RIN2: variants seen among roughly 807,000 people sequenced by gnomAD.
The protein encoded by RIN2 is Ras and Rab interactor 2, also known as RAB5 interacting protein 2.
Under a neutral mutation model 78.0 loss-of-function variants are expected in RIN2, and 36 were observed. The ratio of observed to expected loss-of-function variants is 0.46; its 90% CI spans 0.35 to 0.61. The LOEUF is 0.61. Ranked by LOEUF, RIN2 falls within the 20% of genes least tolerant of loss-of-function variation. The pLI is 0.00. For synonymous variants in RIN2, 466 were observed against 466.8 expected (o/e 1.00, Z 0.02); for missense variants, 1,087 against 1,159.7 (o/e 0.94, Z 0.91).
intron 2 of RIN2, among the ~76,000 whole-genome samples, chr20:19,853,024 G>A (rs373381288): frequency 1.5e-5 from 2 of 134,950 alleles, no homozygotes; most frequent in Non-Finnish European, 3.1e-5. Context: ...CTAATGCTAT[G>A]CCTCCCCCTC....
chr20:19,778,794 G>C (rs1341360093), intron 1 of RIN2, among the ~76,000 whole-genome samples: 1 of 152,110 alleles, frequency 6.6e-6, no homozygotes, highest in East Asian at 1.9e-4. Flanking sequence ...AGGGCCCTGT[G>C]GGGTACAAAG....
intron 2 of RIN2, chr20:19,823,477 TTGATGTCATCTA>T (rs1327729030): frequency 4.9e-6 from 4 of 809,780 alleles, no homozygotes; most frequent in Non-Finnish European, 8.7e-6. Flanking sequence ...AGCACCACTG[TTGATGTCATCTA>T]TGATGTCATG....
intron 2 of RIN2, among the ~76,000 whole-genome samples, chr20:19,816,487 A>G (rs1157035034): frequency 6.6e-6 from 1 of 152,234 alleles, no homozygotes; most frequent in Non-Finnish European, 1.5e-5. Flanking sequence ...AACCAGTTAA[A>G]TAAGCCAAAC....
At chr20:19,788,435 A>AAAAAAAAAAAAAACAAAAAC (rs2034763522) in intron 1 of RIN2, among the ~76,000 whole-genome samples, 19 of 137,862 alleles carry the variant, frequency 1.4e-4, no homozygotes, top group African/African-American at 5.5e-4. Context: ...TCTCTGCCAA[A>AAAAAAAAAAAAAACAAAAAC]AAAAAAAAAA....
chr20:19,976,628 C>CTTTG (rs750825728), intron 9 of RIN2, among the ~76,000 whole-genome samples: 1 of 151,830 alleles, frequency 6.6e-6, no homozygotes, highest in Non-Finnish European at 1.5e-5. Context: ...GTTGAAGGTT[C>CTTTG]TTTGTTTGTT....
chr20:19,805,707 T>A (rs2035387794), intron 2 of RIN2, among the ~76,000 whole-genome samples: 1 of 152,028 alleles, frequency 6.6e-6, no homozygotes, highest in South Asian at 2.1e-4. Context: ...TGGCCCAAGT[T>A]ACAAGGACTT....
intron 1 of RIN2, among the ~76,000 whole-genome samples, chr20:19,788,450 C>CAAAAAAAAAACAA (rs908072671): frequency 9.7e-6 from 1 of 103,520 alleles, no homozygotes; most frequent in Non-Finnish European, 1.8e-5. Context: ...AAAAAAAAAA[C>CAAAAAAAAAACAA]AACTAGCTAG....
rs1208322144 is a variant in RIN2, at chr20:19,970,830, A to C, written c.537-8A>C. The C allele has an allele frequency of 6.2e-7, 1 of 1,601,790 alleles. No individual in the cohort carries two copies. Among genetic ancestry groups the C allele is most frequent in the Non-Finnish European group, 8.5e-7 (1 of 1,169,702 alleles). On this transcript the variant is annotated splice_polypyrimidine_tract_variant and splice_region_variant and intron_variant, in intron 7 of 12. Coordinates refer to ENST00000255006, the MANE Select transcript of RIN2 (RefSeq NM_018993.4). ...TTACAAACATTCTCTCTTTTTCTGA[A>C]CAATCAGGGATGTTCTACCATTTAC... is the stretch of plus-strand genomic sequence containing the variant.
At chr20:19,888,114 C>T (rs909718082) in intron 2 of RIN2, among the ~76,000 whole-genome samples, 2 of 152,148 alleles carry the variant, frequency 1.3e-5, no homozygotes, top group South Asian at 2.1e-4. Flanking sequence ...GCCTTCATCC[C>T]AGCAGGATCA....
At position 19,853,774 on chromosome 20, in the gene RIN2, TA is replaced by T. The variant is rs931175167; in HGVS notation, c.-36-35791del. ...CTTTGAGTTCTTCGTAGATTCTGGA[TA>T]TTAGCCCTTTGTCAGATGAGTAGAT... On this transcript the variant is annotated intron_variant, in intron 2 of 12. Transcript: ENST00000255006. Among the ~76,000 whole-genome samples the T allele has an allele frequency of 5.4e-4, 82 of 152,358 alleles. 1 individual carries two copies. The highest frequency in any genetic ancestry group is 1.9e-3 in the African/African-American group (81 of 41,582).
chr20:19,844,659 T>TCCTC (rs1568807550), intron 2 of RIN2, among the ~76,000 whole-genome samples: 4 of 140,252 alleles, frequency 2.9e-5, no homozygotes, highest in African/African-American at 1.1e-4. Flanking sequence ...TTCTTCTTCT[T>TCCTC]CTTCTTCTTC....
At chr20:19,938,062 T>C (rs2040718855) in intron 4 of RIN2, among the ~76,000 whole-genome samples, 1 of 152,218 alleles carries the variant, frequency 6.6e-6, no homozygotes, top group South Asian at 2.1e-4. Flanking sequence ...TTGCTTGGCT[T>C]GGCTTCTGGG....
chr20:19,998,761 A>C (rs2043050759), intron 12 of RIN2, among the ~76,000 whole-genome samples: 1 of 152,198 alleles, frequency 6.6e-6, no homozygotes, highest in South Asian at 2.1e-4. Flanking sequence ...ACCCTGTTGC[A>C]CTAAGAAGGT....
At chr20:19,994,851 G>T (rs73901379) in intron 11 of RIN2, among the ~76,000 whole-genome samples, 4,101 of 152,214 alleles carry the variant, frequency 0.027, 131 homozygotes, top group South Asian at 0.11. Flanking sequence ...CTTAACTAGG[G>T]TGATTATACT....
Position 19,990,067 on chromosome 20 carries a change from G to A in RIN2, c.1824G>A (p.Glu608=), listed in dbSNP as rs1377830429. 1 of 1,598,870 alleles carries A rather than the reference G, an allele frequency of 6.3e-7. No individual in the cohort carries two copies. The highest frequency in any genetic ancestry group is 8.5e-7 in the Non-Finnish European group (1 of 1,172,574). ...CILKPLKGHV[E]AMLKDFHMAD... is the part of the protein sequence containing the mutation. ...TGAAGCCCCTCAAGGGGCACGTGGA[G>A]GCCATGCTGAAGGACTTTCACATGG... The change falls in exon 10 of 13, where the codon GAG becomes GAA. Residue 608 remains glutamate (E), a synonymous_variant. Transcript: ENST00000255006.
chr20:19,765,777 G>A (rs2033857322), intron 1 of RIN2, among the ~76,000 whole-genome samples: 1 of 149,848 alleles, frequency 6.7e-6, no homozygotes, highest in African/African-American at 2.4e-5. Flanking sequence ...GTAAGCACAG[G>A]GATCTTGGGG....
intron 2 of RIN2, among the ~76,000 whole-genome samples, chr20:19,864,831 C>T (rs1488897469): frequency 1.3e-5 from 2 of 152,150 alleles, no homozygotes; most frequent in Non-Finnish European, 2.9e-5. Flanking sequence ...TTGTTCTCTA[C>T]CAGACAAATT....
chr20:19,959,210 T>C (rs2041657216), intron 5 of RIN2, among the ~76,000 whole-genome samples: 1 of 152,184 alleles, frequency 6.6e-6, no homozygotes, highest in Non-Finnish European at 1.5e-5. Flanking sequence ...ATGGATTTCG[T>C]CTGCAGGCCA....
chr20:19,928,497 A>G (rs1276434638), intron 3 of RIN2, among the ~76,000 whole-genome samples: 2 of 152,156 alleles, frequency 1.3e-5, no homozygotes, highest in Non-Finnish European at 2.9e-5. Flanking sequence ...GTCCCCGCCT[A>G]CTGAGAAATT....
Sources: allele counts gnomAD v4.1 joint callset (sites outside exome capture counted in the v4.1 genomes callset), GRCh38; gene constraint gnomAD v4.1.1; transcripts MANE v1.5; gene names NCBI Gene and HGNC (gene_info 2026-07-23, HGNC 2026-07-21).